The following CARM1 variants were observed in gnomAD, a reference collection of about 807,000 sequenced individuals.
CARM1 encodes the protein histone-arginine methyltransferase CARM1.
A neutral mutation model predicts 72.7 loss-of-function variants in CARM1; 14 were observed. The observed-to-expected ratio is 0.19, with a 90% CI of 0.13 to 0.30. The LOEUF is 0.30. Among genes scored for constraint, CARM1 ranks in the 10% least tolerant of loss-of-function variants. The pLI, the probability that CARM1 is intolerant of heterozygous loss-of-function variation, is 1.00. For synonymous variants in CARM1, 333 were observed against 345.5 expected (o/e 0.96, Z 0.40); for missense variants, 432 against 833.7 (o/e 0.52, Z 5.93).
At chr19:10,902,447 C>G (rs962336388) in intron 1 of CARM1, among the ~76,000 whole-genome samples, 11 of 151,808 alleles carry the variant, frequency 7.2e-5, no homozygotes, top group Admixed American at 3.9e-4. Context: ...GCACTTGCCA[C>G]TATGCCCAGC....
intron 1 of CARM1, among the ~76,000 whole-genome samples, chr19:10,883,159 G>A (rs1339005725): frequency 6.6e-6 from 1 of 152,180 alleles, no homozygotes; most frequent in Non-Finnish European, 1.5e-5. Context: ...GGGAACCGTG[G>A]TTCTCCCTCC....
Position 10,904,965 on chromosome 19 carries a change from G to T in CARM1, c.235G>T (p.Val79Phe). The part of the protein sequence containing the change: ...IALYSHEDVC[V>F]FKCSVSRETE... Reference sequence around the variant, plus strand: ...TTCTCTCGTAGATGAAGATGTGTGTGTCTTTAAGTGCTCAGTGTCCCGAGA... The same window carrying T: ...TTCTCTCGTAGATGAAGATGTGTGTTTCTTTAAGTGCTCAGTGTCCCGAGA... Residue 79 changes from valine (V) to phenylalanine (F), a missense_variant, in exon 2 of 16, where the codon GTC (valine) becomes TTC (phenylalanine). Physicochemically the swap from Val to Phe is conservative, Grantham distance 50. Transcript: ENST00000327064. The T allele has an allele frequency of 6.2e-7, 1 of 1,614,214 alleles. No individual in the cohort carries two copies. Among genetic ancestry groups the T allele is most frequent in the Non-Finnish European group, 8.5e-7 (1 of 1,180,020 alleles).
At chr19:10,895,086 G>A (rs975650197) in intron 1 of CARM1, among the ~76,000 whole-genome samples, 2 of 151,624 alleles carry the variant, frequency 1.3e-5, no homozygotes, top group Admixed American at 6.6e-5. Flanking sequence ...TGGCCCTGAT[G>A]TCACGACAGC....
intron 4 of CARM1, 116 bp downstream of exon 4, chr19:10,909,323 G>A (rs1049169313): frequency 2.2e-5 from 14 of 648,870 alleles, no homozygotes; most frequent in Middle Eastern, 5.2e-4. Flanking sequence ...CTCAGTTACT[G>A]CAGAGGCTGA....
intron 1 of CARM1, among the ~76,000 whole-genome samples, chr19:10,898,269 T>C (rs2074038229): frequency 6.6e-6 from 1 of 152,038 alleles, no homozygotes. Flanking sequence ...ATTTTGCCAC[T>C]GCACTCCAGT....
chr19:10,900,750 C>T (rs1335264017), intron 1 of CARM1, among the ~76,000 whole-genome samples: 2 of 151,876 alleles, frequency 1.3e-5, no homozygotes, highest in Middle Eastern at 3.2e-3. Context: ...GTGGCGTGAT[C>T]TCGGCTCACC....
chr19:10,908,719 C>G (rs1278214683), intron 3 of CARM1: 1 of 210,136 alleles, frequency 4.8e-6, no homozygotes, highest in Non-Finnish European at 9.8e-6. Context: ...GACACCACAC[C>G]TCACCTGCCT....
rs1487467744 is a variant in CARM1 at position 10,871,777 on chromosome 19, C to A, written c.75C>A (p.Pro25=). The A allele has an allele frequency of 8.5e-7, 1 of 1,169,668 alleles. No homozygotes were observed. Among genetic ancestry groups the A allele is most frequent in the Non-Finnish European group, 1.1e-6 (1 of 946,450 alleles). The allele number at this position is 1,169,668 out of a possible 1,614,324, so 72.5% of individuals were successfully genotyped here. The change falls in exon 1 of 16, where the codon CCC becomes CCA. Residue 25 remains proline (P), a synonymous_variant. Transcript: ENST00000327064. This position sits in a 1 kb window ranked among gnomAD's most constrained non-coding sequence, Gnocchi z 5.6. ...AGSAVPGGAG[P]CATVSVFPGA... ...CGGCGGTCCCGGGCGGCGCGGGGCC[C>A]TGCGCTACCGTGTCGGTGTTCCCCG...
intron 1 of CARM1, among the ~76,000 whole-genome samples, chr19:10,875,273 C>A (rs934653255): frequency 2.0e-5 from 3 of 152,056 alleles, no homozygotes; most frequent in Non-Finnish European, 4.4e-5. Flanking sequence ...TGATTTGCAG[C>A]AGCGAAACCC....
At chr19:10,879,366 G>A (rs1384119222) in intron 1 of CARM1, among the ~76,000 whole-genome samples, 1 of 152,214 alleles carries the variant, frequency 6.6e-6, no homozygotes, top group Non-Finnish European at 1.5e-5. Flanking sequence ...TTCAATCTGA[G>A]CGGCCATGTG....
intron 1 of CARM1, among the ~76,000 whole-genome samples, chr19:10,875,722 C>T (rs1271668656): frequency 1.3e-5 from 2 of 151,762 alleles, no homozygotes; most frequent in East Asian, 1.9e-4. Flanking sequence ...CCGTGCCCGG[C>T]CCCAGCTGTT....
Position 10,921,853 on chromosome 19 carries a change from C to G in CARM1, c.*96C>G, listed in dbSNP as rs756936165. 1.6e-6 allele frequency: 2 copies of G among 1,218,430 alleles called. No individual in the cohort carries two copies. Among genetic ancestry groups the G allele is most frequent in the Admixed American group, 2.4e-5 (1 of 41,778 alleles). 75.5% of individuals were successfully genotyped at this position (1,218,430 alleles called of 1,614,324 possible). On this transcript the variant is annotated 3_prime_UTR_variant, in exon 16 of 16. Transcript: ENST00000327064. ...CTTTCCCCCTTGTACTGGAGAAGCTCGAACACCCGGTCACAGCTCTCTTTG... is the reference window on the plus strand; with the variant it reads ...CTTTCCCCCTTGTACTGGAGAAGCTGGAACACCCGGTCACAGCTCTCTTTG...
chr19:10,882,063 T>C (rs2073905951), intron 1 of CARM1, among the ~76,000 whole-genome samples: 2 of 152,234 alleles, frequency 1.3e-5, no homozygotes, highest in Admixed American at 1.3e-4. Flanking sequence ...AGCTGGCAAG[T>C]CCTGATCCAC....
At position 10,912,038 on chromosome 19, in the gene CARM1, G is replaced by C. The variant is rs1233670721; in HGVS notation, c.559-146G>C. On this transcript the variant is annotated intron_variant, in intron 4 of 15. Transcript: ENST00000327064. This position sits in a 1 kb window ranked among gnomAD's most constrained non-coding sequence, Gnocchi z 4.5. ...GGCCCATGGCTCATCTTGAGTTCTC[G>C]CTTCATTTTGACCAAGAGCCCATAA... The C allele has an allele frequency of 3.5e-5, 25 of 721,960 alleles. No individual in the cohort carries two copies. Among genetic ancestry groups the C allele is most frequent in the Admixed American group, 5.6e-5 (3 of 53,408 alleles). The allele number at this position is 721,960 out of a possible 1,614,324, so 44.7% of individuals were successfully genotyped here.
chr19:10,905,882 C>A (rs947456435), intron 2 of CARM1, among the ~76,000 whole-genome samples: 1 of 151,722 alleles, frequency 6.6e-6, no homozygotes, highest in Non-Finnish European at 1.5e-5. Flanking sequence ...CTCAAGTGAG[C>A]CACCTGCCTC....
intron 1 of CARM1, among the ~76,000 whole-genome samples, chr19:10,872,563 A>ACGGGCCCCTTCCTGATGC (rs2073827869): frequency 2.0e-5 from 3 of 152,054 alleles, no homozygotes; most frequent in Non-Finnish European, 4.4e-5. Flanking sequence ...CGTGGACGGG[A>ACGGGCCCCTTCCTGATGC]CGGGCCCCTT....
intron 1 of CARM1, among the ~76,000 whole-genome samples, chr19:10,895,099 G>A (rs2074015087): frequency 6.6e-6 from 1 of 151,642 alleles, no homozygotes; most frequent in South Asian, 2.1e-4. Flanking sequence ...ACGACAGCAT[G>A]GGAGGTTCTC....
intron 1 of CARM1, among the ~76,000 whole-genome samples, chr19:10,875,640 G>A (rs1044024415): frequency 2.6e-5 from 4 of 152,028 alleles, no homozygotes; most frequent in African/African-American, 2.4e-5. Flanking sequence ...TAGCCAGGAT[G>A]GTCTCCATCT....
rs1354778428 is a variant in CARM1 at position 10,876,487 on chromosome 19, A to T, written c.220+4565A>T. 2.6e-5 allele frequency among the ~76,000 whole-genome samples: 4 copies of T among 152,068 alleles called. No individual in the cohort carries two copies. The East Asian group carries it at 7.7e-4, about 29-fold the overall frequency. On this transcript the variant is annotated intron_variant, in intron 1 of 15. Transcript: ENST00000327064. ...CTGGGCCATGATCTGTACCTAACAT[A>T]GGAGGCCCAGGAGAGGCACGTGGGG...
Sources: gnomAD v4.1 joint callset for allele counts (sites outside exome capture counted in the v4.1 genomes callset) on GRCh38, gnomAD v4.1.1 for gene constraint, Gnocchi (gnomAD v3.1) non-coding constraint, MANE v1.5 for transcripts, NCBI Gene and HGNC (gene_info 2026-07-23, HGNC 2026-07-21) for gene names.